RCN2: variants seen among roughly 807,000 people sequenced by gnomAD.
RCN2 encodes reticulocalbin 2.
Under a neutral mutation model 37.5 loss-of-function variants are expected in RCN2, and 23 were observed. That is an observed-to-expected ratio of 0.61 (90% CI 0.44 to 0.87). The LOEUF (loss-of-function observed/expected upper bound fraction) is 0.87, where lower values mean the gene tolerates loss of function less well. Ranked by LOEUF, RCN2 falls within the 40% of genes least tolerant of loss-of-function variation. The probability of loss-of-function intolerance (pLI) is 0.00; values close to 1 mark genes in which losing one functional copy is unlikely to be tolerated. For synonymous variants in RCN2, 140 were observed against 144.6 expected, an observed-to-expected ratio of 0.97 and a Z score of 0.23; for missense variants, 381 against 390.4, an observed-to-expected ratio of 0.98 and a Z score of 0.20.
chr15:76,944,130 A>G (rs1160120734), intron 4 of RCN2, among the ~76,000 whole-genome samples: 7 of 151,524 alleles, frequency 4.6e-5, no homozygotes, highest in Non-Finnish European at 7.4e-5. Context: ...AGTAGCTGGA[A>G]CTACAGGCGC....
intron 1 of RCN2, 83 bp downstream of exon 1, chr15:76,932,068 G>C: frequency 1.7e-6 from 2 of 1,203,324 alleles, no homozygotes; most frequent in Admixed American, 4.1e-5. Flanking sequence ...AAGGGGGGCG[G>C]CCGGGCGAGG....
chr15:76,938,785 G>C, intron 3 of RCN2: 1 of 455,762 alleles, frequency 2.2e-6, no homozygotes, highest in South Asian at 1.5e-5. Flanking sequence ...TTCACATTTA[G>C]CTCCAGCACT....
chr15:76,935,194 C>T (rs917695459), intron 2 of RCN2, among the ~76,000 whole-genome samples: 3 of 152,088 alleles, frequency 2.0e-5, no homozygotes, highest in African/African-American at 7.2e-5. Context: ...TGTGGTGGCA[C>T]ATGCCTGTAG....
chr15:76,934,294 C>T (rs986729757), intron 2 of RCN2, among the ~76,000 whole-genome samples: 11 of 152,080 alleles, frequency 7.2e-5, no homozygotes, highest in African/African-American at 2.7e-4. Context: ...CAGGCACTGG[C>T]CACCATGCCC....
intron 4 of RCN2, among the ~76,000 whole-genome samples, chr15:76,945,992 A>G (rs1029742452): frequency 6.6e-6 from 1 of 152,254 alleles, no homozygotes; most frequent in African/African-American, 2.4e-5. Flanking sequence ...ATAAGGAACA[A>G]TTGAAGACTA....
At position 76,953,087 on chromosome 15, in the gene RCN2, C is replaced by CT. The variant is rs1338396682; in HGVS notation, c.*3865_*3866insT. ...TAGCTGGGATTATAGATGCCCGCTA[C>CT]CACGCCCGGCTAATTTTTGTACTTT... is the stretch of plus-strand genomic sequence containing the variant. On this transcript the variant is annotated 3_prime_UTR_variant, in exon 7 of 7. Transcript: ENST00000394885. The CT allele has an allele frequency of 6.6e-6, 1 of 152,228 alleles. No individual in the cohort carries two copies. Among genetic ancestry groups the CT allele is most frequent in the Non-Finnish European group, 1.5e-5 (1 of 68,148 alleles). 9.4% of individuals were successfully genotyped at this position (152,228 alleles called of 1,614,324 possible). A position where few individuals can be genotyped will look rare whatever the true frequency, so the allele number is the denominator to read the frequency against.
chr15:76,944,227 C>T (rs1238911566), intron 4 of RCN2, among the ~76,000 whole-genome samples: 1 of 151,820 alleles, frequency 6.6e-6, no homozygotes, highest in Non-Finnish European at 1.5e-5. Flanking sequence ...GTGATCCGCC[C>T]GCCTCGGCTT....
Position 76,931,800 on chromosome 15 carries a change from C to A in RCN2, c.-42C>A. On this transcript the variant is annotated 5_prime_UTR_variant, in exon 1 of 7. Transcript: ENST00000394885. ...GCAGCCGGCCCGGGCCCCCGCCAGC[C>A]TCCCTCCTCGCGTCCCTCGGTGTCC... 1 of 1,198,370 alleles carries A rather than the reference C, an allele frequency of 8.3e-7. No homozygotes were observed. Among genetic ancestry groups the A allele is most frequent in the Non-Finnish European group, 1.0e-6 (1 of 966,024 alleles). The allele number at this position is 1,198,370 out of a possible 1,614,324, so 74.2% of individuals were successfully genotyped here.
chr15:76,948,536 G>T lies in RCN2; in HGVS notation c.785G>T (p.Gly262Val). 6.3e-7 allele frequency: 1 copy of T among 1,581,180 alleles called. No individual in the cohort carries two copies. The highest frequency in any genetic ancestry group is 8.6e-7 in the Non-Finnish European group (1 of 1,160,828). The part of the protein sequence containing the change: ...LLPWVVPNNQ[G>V]IAQEEALHLI... ...CCTTGGGTAGTACCTAATAATCAGG[G>T]CATTGCACAAGAGGAGGTAAGTGTT... The change falls in exon 6 of 7, where the codon GGC becomes GTC. Residue 262 changes from glycine (G) to valine (V), a missense_variant. Gly to Val is a moderately radical substitution (Grantham distance 109). Coordinates refer to ENST00000394885, the MANE Select transcript of RCN2 (RefSeq NM_002902.3).
chr15:76,937,403 T>G (rs1468933191), intron 3 of RCN2, among the ~76,000 whole-genome samples: 1 of 151,414 alleles, frequency 6.6e-6, no homozygotes, highest in Non-Finnish European at 1.5e-5. Flanking sequence ...CCCTTTAAAA[T>G]TACTCCTTTT....
intron 2 of RCN2, among the ~76,000 whole-genome samples, chr15:76,933,775 A>G (rs2075235151): frequency 6.6e-6 from 1 of 152,162 alleles, no homozygotes; most frequent in Admixed American, 6.5e-5. Flanking sequence ...AGAAAGATTC[A>G]TGGTGCTTAC....
At position 76,954,039 on chromosome 15, in the gene RCN2, G is replaced by GTTTTTT. The variant is rs60194309; in HGVS notation, c.*4825_*4830dup. 5.3e-5 allele frequency: 7 copies of GTTTTTT among 131,006 alleles called. No individual in the cohort carries two copies. The highest frequency in any genetic ancestry group is 7.6e-5 in the Admixed American group (1 of 13,152). The allele number at this position is 131,006 out of a possible 1,614,324, so 8.1% of individuals were successfully genotyped here. A position where few individuals can be genotyped will look rare whatever the true frequency, so the allele number is the denominator to read the frequency against. On this transcript the variant is annotated 3_prime_UTR_variant, in exon 7 of 7. Coordinates refer to ENST00000394885, the MANE Select transcript of RCN2 (RefSeq NM_002902.3). ...TCCTTACCAACACTTGCTATTTTCT[G>GTTTTTT]TTTTTTTTTTTTTCTTTTTTTTTTT...
At chr15:76,936,430 T>C (rs1046290638) in intron 3 of RCN2, among the ~76,000 whole-genome samples, 2 of 152,144 alleles carry the variant, frequency 1.3e-5, no homozygotes, top group East Asian at 3.9e-4. Flanking sequence ...TTGTTCCACC[T>C]CAGATCAGCA....
chr15:76,938,842 C>A (rs1183870346), intron 3 of RCN2: 4 of 442,422 alleles, frequency 9.0e-6, no homozygotes, highest in Non-Finnish European at 1.9e-5. Context: ...TCATGTGCCT[C>A]AGTTTCCTCA....
intron 3 of RCN2, among the ~76,000 whole-genome samples, chr15:76,939,943 A>T (rs1373354192): frequency 6.6e-6 from 1 of 152,222 alleles, no homozygotes; most frequent in East Asian, 1.9e-4. Flanking sequence ...GTTTATGAAC[A>T]GTTCTTTTAA....
intron 4 of RCN2, 141 bp from the exon 5 acceptor site, chr15:76,947,280 C>T: frequency 1.7e-6 from 1 of 579,056 alleles, no homozygotes; most frequent in South Asian, 2.3e-5. Context: ...TGTATAAGTA[C>T]CTTACTAGCT....
intron 3 of RCN2, chr15:76,941,401 T>C (rs2075276015): frequency 2.9e-6 from 1 of 341,064 alleles, no homozygotes; most frequent in East Asian, 4.5e-5. Flanking sequence ...TAGTCATTTG[T>C]TCTAGTATCA....
chr15:76,932,050 C>T (rs947573099), intron 1 of RCN2, 65 bp downstream of exon 1: 32 of 1,244,062 alleles, frequency 2.6e-5, no homozygotes, highest in Non-Finnish European at 2.9e-5. Context: ...GGGCTTTGTC[C>T]CGGGACAAAG....
At chr15:76,941,246 C>T (rs2075275575) in intron 3 of RCN2, among the ~76,000 whole-genome samples, 1 of 152,088 alleles carries the variant, frequency 6.6e-6, no homozygotes, top group Non-Finnish European at 1.5e-5. Flanking sequence ...AGGCTGGTCA[C>T]GAACTCCTGA....
Sources: allele counts gnomAD v4.1 joint callset (sites outside exome capture counted in the v4.1 genomes callset), GRCh38; gene constraint gnomAD v4.1.1; transcripts MANE v1.5; gene names NCBI Gene and HGNC (gene_info 2026-07-23, HGNC 2026-07-21).